ZNF143: variants seen among roughly 807,000 people sequenced by gnomAD.
ZNF143 encodes the protein SPH-binding factor.
Under a neutral mutation model 74.1 loss-of-function variants are expected in ZNF143, and 49 were observed. The ratio of observed to expected loss-of-function variants is 0.66; its 90% CI spans 0.53 to 0.84. The LOEUF (loss-of-function observed/expected upper bound fraction) is 0.84, where lower values mean the gene tolerates loss of function less well. ZNF143 is among the 40% of genes least tolerant of loss of function. The pLI, the probability that ZNF143 is intolerant of heterozygous loss-of-function variation, is 0.00. For synonymous variants in ZNF143, 304 were observed against 282.8 expected (o/e 1.07, Z -0.75); for missense variants, 637 against 793.4 (o/e 0.80, Z 2.37).
intron 10 of ZNF143, among the ~76,000 whole-genome samples, chr11:9,499,341 A>C (rs2134080987): frequency 6.6e-6 from 1 of 152,264 alleles, no homozygotes; most frequent in South Asian, 2.1e-4. Context: ...AGCTGGGAAG[A>C]CTTTAGAGGT....
At chr11:9,480,450 C>T (rs923438947) in intron 7 of ZNF143, among the ~76,000 whole-genome samples, 5 of 151,978 alleles carry the variant, frequency 3.3e-5, no homozygotes, top group African/African-American at 9.7e-5. Flanking sequence ...AAAGTTACTA[C>T]TCAGGGTCAC....
At chr11:9,507,854 G>A (rs566769066) in intron 11 of ZNF143, among the ~76,000 whole-genome samples, 35 of 152,270 alleles carry the variant, frequency 2.3e-4, no homozygotes, top group Non-Finnish European at 4.4e-4. Flanking sequence ...AATCCTGGTC[G>A]GGAAGAAGGG....
chr11:9,496,400 T>C (rs761540660), intron 9 of ZNF143, 22 bp downstream of exon 9: 2 of 1,611,418 alleles, frequency 1.2e-6, no homozygotes, highest in Non-Finnish European at 1.7e-6. Context: ...AATTTTGTTT[T>C]TTTCTTGGTT....
chr11:9,499,585 GT>G (rs1848084279), intron 10 of ZNF143, among the ~76,000 whole-genome samples: 3 of 152,298 alleles, frequency 2.0e-5, no homozygotes, highest in Non-Finnish European at 4.4e-5. Context: ...TGTGCCTGTG[GT>G]CGCAGCTACC....
At chr11:9,515,556 A>C (rs1162139134) in intron 13 of ZNF143, among the ~76,000 whole-genome samples, 1 of 151,514 alleles carries the variant, frequency 6.6e-6, no homozygotes, top group Non-Finnish European at 1.5e-5. Flanking sequence ...TGGGAGGCTG[A>C]GGCAGGACAG....
In ZNF143 at chr11:9,471,389, G is replaced by A. The variant is rs148538480; in HGVS notation, c.81G>A (p.Thr27=). ...GAGGGATGGAGGCGCAACATGTTAC[G>A]CTGTGCTTGACAGAGGCAGTCACCG... The part of the protein sequence containing the change: ...PGGGMEAQHV[T]LCLTEAVTVA... The change falls in exon 2 of 16, where the codon ACG becomes ACA. Residue 27 remains threonine, a synonymous_variant. Coordinates refer to ENST00000396602, the MANE Select transcript of ZNF143 (RefSeq NM_003442.6). 3.3e-5 allele frequency: 53 copies of A among 1,612,110 alleles called. No individual in the cohort carries two copies. Among genetic ancestry groups the A allele is most frequent in the African/African-American group, 4.0e-5 (3 of 74,836 alleles).
intron 7 of ZNF143, among the ~76,000 whole-genome samples, chr11:9,485,030 C>G (rs1322191188): frequency 6.7e-6 from 1 of 150,192 alleles, no homozygotes. Flanking sequence ...ATCTCCTGAC[C>G]TCGTGATCTG....
intron 11 of ZNF143, among the ~76,000 whole-genome samples, chr11:9,506,645 T>C (rs779555787): frequency 3.9e-5 from 6 of 152,126 alleles, no homozygotes; most frequent in Non-Finnish European, 8.8e-5. Context: ...TTGAGAATAA[T>C]TGAAGTAGAG....
intron 7 of ZNF143, among the ~76,000 whole-genome samples, chr11:9,486,423 TATATATTATATATATA>T (rs1265575729): frequency 1.6e-4 from 6 of 38,084 alleles, no homozygotes; most frequent in South Asian, 6.1e-4. Context: ...ATATATATTA[TATATATTATATATATA>T]ATATATTATA....
chr11:9,469,692 C>T (rs375720810), intron 1 of ZNF143, among the ~76,000 whole-genome samples: 4 of 152,110 alleles, frequency 2.6e-5, no homozygotes, highest in South Asian at 2.1e-4. Context: ...TTTAAATGTG[C>T]GTGCCACCAC....
intron 7 of ZNF143, among the ~76,000 whole-genome samples, chr11:9,491,433 A>G (rs1847770810): frequency 6.6e-6 from 1 of 151,880 alleles, no homozygotes; most frequent in Non-Finnish European, 1.5e-5. Context: ...TCAGGAGTTC[A>G]AGACCATCCT....
rs535512094 is a variant in ZNF143 at position 9,510,133 on chromosome 11, T to A, written c.1375+1287T>A. Reference sequence around the variant, plus strand: ...AGTTCCTATATTCTTTTTTTTTTTTTTTTATTTTTGAGATGGAGTCTCGCT... The same window carrying A: ...AGTTCCTATATTCTTTTTTTTTTTTATTTATTTTTGAGATGGAGTCTCGCT... On this transcript the variant is annotated intron_variant, in intron 12 of 15. Coordinates refer to ENST00000396602, the MANE Select transcript of ZNF143 (RefSeq NM_003442.6). 1.1e-4 allele frequency among the ~76,000 whole-genome samples: 16 copies of A among 151,610 alleles called. No individual in the cohort carries two copies. The South Asian group carries it at 3.3e-3, about 31-fold the overall frequency.
intron 6 of ZNF143, among the ~76,000 whole-genome samples, 168 bp downstream of exon 6, chr11:9,478,754 A>G (rs1186148683): frequency 6.6e-6 from 1 of 152,196 alleles, no homozygotes; most frequent in East Asian, 1.9e-4. Context: ...GGGAGGCCAA[A>G]GTGGGAGGAT....
At chr11:9,471,771 C>CA (rs1285941224) in intron 2 of ZNF143, among the ~76,000 whole-genome samples, 3 of 152,032 alleles carry the variant, frequency 2.0e-5, no homozygotes, top group African/African-American at 7.2e-5. Flanking sequence ...AGGCTGGTCT[C>CA]AAACTCCTGA....
chr11:9,471,206 A>T, intron 1 of ZNF143, 96 bp from the exon 2 acceptor site: 1 of 1,022,882 alleles, frequency 9.8e-7, no homozygotes, highest in Non-Finnish European at 1.4e-6. Flanking sequence ...ACACCATTAC[A>T]TCCTCAGCAG....
intron 7 of ZNF143, among the ~76,000 whole-genome samples, chr11:9,486,439 A>AAT (rs1554964470): frequency 4.8e-4 from 11 of 23,128 alleles, no homozygotes; most frequent in East Asian, 1.7e-3. Context: ...TTATATATAT[A>AAT]ATATATTATA....
intron 14 of ZNF143, among the ~76,000 whole-genome samples, chr11:9,521,543 A>G (rs1848927051): frequency 6.6e-6 from 1 of 150,502 alleles, no homozygotes; most frequent in Non-Finnish European, 1.5e-5. Flanking sequence ...CTATGCCCAG[A>G]GTTTTCTTTT....
At chr11:9,501,808 A>C (rs1013251987) in intron 11 of ZNF143, among the ~76,000 whole-genome samples, 3 of 152,138 alleles carry the variant, frequency 2.0e-5, no homozygotes, top group Admixed American at 2.0e-4. Flanking sequence ...AGATTTGTAC[A>C]AGGTGAGTTC....
At chr11:9,520,176 C>T (rs1848868595) in intron 14 of ZNF143, among the ~76,000 whole-genome samples, 1 of 151,358 alleles carries the variant, frequency 6.6e-6, no homozygotes, top group South Asian at 2.1e-4. Context: ...AGCAGGATTA[C>T]AGGCACCCAC....
Sources: gnomAD v4.1 joint callset for allele counts (sites outside exome capture counted in the v4.1 genomes callset) on GRCh38, gnomAD v4.1.1 for gene constraint, MANE v1.5 for transcripts, NCBI Gene and HGNC (gene_info 2026-07-23, HGNC 2026-07-21) for gene names.